The following SUPT20H variants were observed in gnomAD, a reference collection of about 807,000 sequenced individuals.
The protein encoded by SUPT20H is SPT20 homolog, SAGA complex component, also known as transcription factor SPT20 homolog.
Under a neutral mutation model 122.8 loss-of-function variants are expected in SUPT20H, and 82 were observed. The observed-to-expected ratio is 0.67, with a 90% CI of 0.56 to 0.80. The LOEUF (loss-of-function observed/expected upper bound fraction) is 0.80, where lower values mean the gene tolerates loss of function less well. Ranked by LOEUF, SUPT20H falls within the 30% of genes least tolerant of loss-of-function variation. SUPT20H has a pLI of 0.00. For synonymous variants in SUPT20H, 291 were observed against 313.0 expected (o/e 0.93, Z 0.74); for missense variants, 831 against 921.6 (o/e 0.90, Z 1.27).
chr13:37,009,770 C>CCATT lies in SUPT20H; in HGVS notation c.2241_2242insAATG (p.Ala748AsnfsTer22). 6.2e-7 allele frequency: 1 copy of CCATT among 1,613,562 alleles called. No homozygotes were observed. Among genetic ancestry groups the CCATT allele is most frequent in the Non-Finnish European group, 8.5e-7 (1 of 1,179,876 alleles). On this transcript the variant is annotated frameshift_variant, in exon 26 of 26. Transcript: ENST00000350612. LOFTEE classifies it high-confidence loss of function. The stretch of plus-strand genomic sequence containing the variant: ...TGTAGCTGAGCTGTTTGTGCTGCTG[C>CCATT]TGCTGCCATAGCCATTTGATGCTGC...
intron 23 of SUPT20H, chr13:37,013,459 C>G (rs953896316): frequency 2.0e-5 from 3 of 151,152 alleles, no homozygotes; most frequent in African/African-American, 7.3e-5. Context: ...AAACACGGAC[C>G]TAAGTTGCAC....
At chr13:37,015,521 C>A (rs2060307253) in intron 23 of SUPT20H, among the ~76,000 whole-genome samples, 2 of 151,468 alleles carry the variant, frequency 1.3e-5, no homozygotes, top group African/African-American at 4.8e-5. Context: ...CCAACCACCA[C>A]CAGAAAATAA....
rs749868060 is a variant in SUPT20H at position 37,025,401 on chromosome 13, T to C, written c.1248A>G (p.Glu416=). The part of the protein sequence containing the change: ...VNQYQELVQN[E]AKCPVKMSHS... The stretch of plus-strand genomic sequence containing the variant: ...GTGACATCTTGACCGGACATTTGGC[T>C]TCATTCTGGACTAATTCTTGGTACT... Residue 416 remains glutamate (E), a synonymous_variant, in exon 17 of 26, where the codon GAA becomes GAG. Coordinates refer to ENST00000350612, the MANE Select transcript of SUPT20H (RefSeq NM_001014286.3). The C allele has an allele frequency of 1.2e-6, 2 of 1,613,920 alleles. No homozygotes were observed. Among genetic ancestry groups the C allele is most frequent in the Admixed American group, 1.7e-5 (1 of 60,012 alleles).
chr13:37,029,680 G>A (rs2062957430), intron 13 of SUPT20H, 85 bp downstream of exon 13: 1 of 1,138,218 alleles, frequency 8.8e-7, no homozygotes, highest in African/African-American at 1.6e-5. Context: ...CCAAACTAAT[G>A]GCAATTGCAC....
intron 1 of SUPT20H, among the ~76,000 whole-genome samples, chr13:37,056,218 G>C: frequency 6.6e-6 from 1 of 152,286 alleles, no homozygotes; most frequent in Non-Finnish European, 1.5e-5. Flanking sequence ...GATTCCTCAA[G>C]GATCTAGAAG....
intron 16 of SUPT20H, 134 bp from the exon 17 acceptor site, chr13:37,025,571 G>A: frequency 1.7e-6 from 1 of 605,960 alleles, no homozygotes; most frequent in African/African-American, 1.9e-5. Context: ...TTAAAAATTA[G>A]GCAATTTATC....
chr13:37,019,117 C>G (rs1264137091), intron 22 of SUPT20H, among the ~76,000 whole-genome samples: 1 of 152,154 alleles, frequency 6.6e-6, no homozygotes, highest in African/African-American at 2.4e-5. Context: ...ACTAGCACAG[C>G]TAGTTCTTAA....
intron 18 of SUPT20H, 28 bp downstream of exon 18, chr13:37,024,312 G>T: frequency 6.5e-7 from 1 of 1,542,482 alleles, no homozygotes; most frequent in South Asian, 1.3e-5. Context: ...TGTTATTCTA[G>T]ACTGCAAAAA....
Position 37,025,681 on chromosome 13 carries a change from C to G in SUPT20H, c.1212-244G>C, listed in dbSNP as rs906127024. On this transcript the variant is annotated intron_variant, in intron 16 of 25. Coordinates refer to ENST00000350612, the MANE Select transcript of SUPT20H (RefSeq NM_001014286.3). Reference sequence around the variant, plus strand: ...AAGATATACTTTCAATATCTTATTTCTAATACAGAAATTACAGGGATTACT... The same window carrying G: ...AAGATATACTTTCAATATCTTATTTGTAATACAGAAATTACAGGGATTACT... 2.0e-5 allele frequency: 7 copies of G among 349,652 alleles called. No individual in the cohort carries two copies. In the Admixed American group the frequency reaches 2.3e-4, roughly 11 times the overall value. The allele number at this position is 349,652 out of a possible 1,614,324, so 21.7% of individuals were successfully genotyped here. A position where few individuals can be genotyped will look rare whatever the true frequency, so the allele number is the denominator to read the frequency against.
At position 37,016,417 on chromosome 13, in the gene SUPT20H, G is replaced by A. The variant is rs191306475; in HGVS notation, c.1992+828C>T. Among the ~76,000 whole-genome samples, 959 of 139,396 alleles carry A rather than the reference G, an allele frequency of 6.9e-3. 12 individuals carry two copies. The highest frequency in any genetic ancestry group is 0.025 in the African/African-American group (931 of 37,574). The allele number at this position is 139,396 out of a possible 152,430, so 91.4% of individuals were successfully genotyped here. A position where few individuals can be genotyped will look rare whatever the true frequency, so the allele number is the denominator to read the frequency against. Reference sequence around the variant, plus strand: ...TGCACTCCAGCCTGGGCAACAGCGCGAGACTCTGTCTCAAAAAAAAAAAAA... The same window carrying A: ...TGCACTCCAGCCTGGGCAACAGCGCAAGACTCTGTCTCAAAAAAAAAAAAA... On this transcript the variant is annotated intron_variant, in intron 23 of 25. Transcript: ENST00000350612.
chr13:37,057,287 C>A (rs2069303276), intron 1 of SUPT20H, among the ~76,000 whole-genome samples: 1 of 150,888 alleles, frequency 6.6e-6, no homozygotes, highest in Admixed American at 6.6e-5. Flanking sequence ...AGAGCAAGAC[C>A]CTGTCTCAAA....
At chr13:37,057,922 G>A (rs138928180) in intron 1 of SUPT20H, among the ~76,000 whole-genome samples, 1,587 of 136,314 alleles carry the variant, frequency 0.012, 22 homozygotes, top group African/African-American at 0.041. Flanking sequence ...TGCAGTGAGC[G>A]AAGATCGCGC....
At chr13:37,038,673 T>C (rs1048777954) in intron 9 of SUPT20H, 1 of 152,210 alleles carries the variant, frequency 6.6e-6, no homozygotes, top group Non-Finnish European at 1.5e-5. Flanking sequence ...CTTTTGTGAG[T>C]GGACATCTCA....
At chr13:37,037,563 G>A (rs1349351545) in intron 9 of SUPT20H, among the ~76,000 whole-genome samples, 2 of 152,186 alleles carry the variant, frequency 1.3e-5, no homozygotes, top group Non-Finnish European at 2.9e-5. Flanking sequence ...CACCTTTCCA[G>A]GAACTGGGGA....
At position 37,031,093 on chromosome 13, in the gene SUPT20H, A is replaced by T. The variant is rs538168104; in HGVS notation, c.921+474T>A. Among the ~76,000 whole-genome samples the T allele has an allele frequency of 1.5e-3, 236 of 152,300 alleles. 1 individual carries two copies. Among genetic ancestry groups the T allele is most frequent in the Non-Finnish European group, 2.8e-3 (190 of 68,020 alleles). On this transcript the variant is annotated intron_variant, in intron 12 of 25. Coordinates refer to ENST00000350612, the MANE Select transcript of SUPT20H (RefSeq NM_001014286.3). ...TCATGTATATTATGGATCAATAAAGAATACAACCCAATGTTCCTAATCTTG... is the reference window on the plus strand; with the variant it reads ...TCATGTATATTATGGATCAATAAAGTATACAACCCAATGTTCCTAATCTTG...
chr13:37,027,312 A>G (rs2139754495), intron 14 of SUPT20H, among the ~76,000 whole-genome samples: 1 of 152,122 alleles, frequency 6.6e-6, no homozygotes, highest in Non-Finnish European at 1.5e-5. Context: ...TGTGATGTCT[A>G]TAACTTAAAA....
intron 16 of SUPT20H, chr13:37,025,957 T>C: frequency 2.8e-6 from 1 of 356,002 alleles, no homozygotes; most frequent in South Asian, 1.2e-4. Flanking sequence ...CTTAGTAGTT[T>C]GGTGTATCAC....
chr13:37,026,307 A>T, intron 15 of SUPT20H, 71 bp from the exon 16 acceptor site: 2 of 1,125,562 alleles, frequency 1.8e-6, no homozygotes, highest in Non-Finnish European at 2.4e-6. Context: ...GCTTGGGATT[A>T]CTTTTGAATC....
At chr13:37,050,688 C>T (rs1215111113) in intron 2 of SUPT20H, among the ~76,000 whole-genome samples, 1 of 152,134 alleles carries the variant, frequency 6.6e-6, no homozygotes, top group Admixed American at 6.6e-5. Context: ...AAGCATCATT[C>T]ATTCATTATC....
Sources: gnomAD v4.1 joint callset for allele counts (sites outside exome capture counted in the v4.1 genomes callset) on GRCh38, gnomAD v4.1.1 for gene constraint, MANE v1.5 for transcripts, NCBI Gene and HGNC (gene_info 2026-07-23, HGNC 2026-07-21) for gene names.